NAXD: variants seen among roughly 807,000 people sequenced by gnomAD.
The protein encoded by NAXD is NAD(P)HX dehydratase, also known as ATP-dependent (S)-NAD(P)H-hydrate dehydratase.
Under a neutral mutation model 35.8 loss-of-function variants are expected in NAXD, and 22 were observed. The ratio of observed to expected loss-of-function variants is 0.62; its 90% CI spans 0.44 to 0.88. NAXD has a LOEUF of 0.88. Among genes scored for constraint, NAXD ranks in the 40% least tolerant of loss-of-function variants. The pLI, the probability that NAXD is intolerant of heterozygous loss-of-function variation, is 0.00. For synonymous variants in NAXD, 189 were observed against 177.6 expected (o/e 1.06, Z -0.51); for missense variants, 428 against 437.7 (o/e 0.98, Z 0.20).
rs757928322 is a variant in NAXD, at chr13:110,634,615, C to A, written c.492+20C>A. ...GACGCGGTGAGTTGACTTCTCTCCT[C>A]CTGGCTCGGACTCCCGGAAGGCCTG... On this transcript the variant is annotated intron_variant, in intron 6 of 9. Coordinates refer to ENST00000680254, the MANE Select transcript of NAXD (RefSeq NM_001242882.2). The A allele has an allele frequency of 5.6e-6, 9 of 1,614,062 alleles. No individual in the cohort carries two copies. The African/African-American group carries it at 6.7e-5, about 12-fold the overall frequency.
chr13:110,633,090 G>C (rs549072773), intron 5 of NAXD, among the ~76,000 whole-genome samples: 2 of 152,264 alleles, frequency 1.3e-5, no homozygotes, highest in African/African-American at 2.4e-5. Flanking sequence ...GGTGGTGCTC[G>C]TCGGGGAGGC....
chr13:110,630,851 TC>T (rs1886672004), intron 5 of NAXD, among the ~76,000 whole-genome samples: 1 of 152,190 alleles, frequency 6.6e-6, no homozygotes, highest in Admixed American at 6.5e-5. Context: ...GACTGTTGTT[TC>T]TGTTTTGTTG....
chr13:110,622,288 G>C lies in NAXD; in HGVS notation c.119G>C (p.Arg40Thr). ...KDMENTLQLV[R>T]NIIPPLSSTK... ...ATGGAAAATACTTTGCAGCTGGTGA[G>C]AAATATCATACCTCCTCTGTCTTCC... Residue 40 changes from arginine (R) to threonine (T), a missense_variant, in exon 2 of 10, where the codon AGA becomes ACA. Arg to Thr is a moderately conservative substitution (Grantham distance 71). This residue lies in a region of NAXD where 208 missense variants were observed against 193.0 expected (regional missense o/e 1.08). Transcript: ENST00000680254. 1 of 1,614,176 alleles carries C rather than the reference G, an allele frequency of 6.2e-7. No individual in the cohort carries two copies. The highest frequency in any genetic ancestry group is 8.5e-7 in the Non-Finnish European group (1 of 1,180,010).
At chr13:110,630,732 G>C (rs1251248992) in intron 5 of NAXD, among the ~76,000 whole-genome samples, 1 of 152,146 alleles carries the variant, frequency 6.6e-6, no homozygotes, top group East Asian at 1.9e-4. Context: ...TCTTTTGCTT[G>C]TGGGTGTCCA....
intron 3 of NAXD, among the ~76,000 whole-genome samples, chr13:110,624,899 C>T (rs532147274): frequency 3.8e-4 from 58 of 152,354 alleles, no homozygotes; most frequent in East Asian, 2.9e-3. Flanking sequence ...TGCTAACGGC[C>T]GGCCTCTTCC....
At chr13:110,633,133 G>A (rs778355753) in intron 5 of NAXD, among the ~76,000 whole-genome samples, 21 of 152,304 alleles carry the variant, frequency 1.4e-4, no homozygotes, top group Middle Eastern at 3.4e-3. Context: ...GAGGGGGTGG[G>A]AGGCTCAGGC....
chr13:110,637,088 A>G (rs1039378722), intron 8 of NAXD, 41 bp from the exon 9 acceptor site: 11 of 1,576,664 alleles, frequency 7.0e-6, no homozygotes, highest in Admixed American at 3.9e-5. Context: ...ATTCACACAC[A>G]TGGCCATGCT....
chr13:110,619,974 T>A (rs1262497461), intron 1 of NAXD, among the ~76,000 whole-genome samples: 3 of 152,030 alleles, frequency 2.0e-5, no homozygotes, highest in Non-Finnish European at 4.4e-5. Flanking sequence ...AATTTTTGTA[T>A]TTTTAGTAGA....
At chr13:110,615,856 C>T (rs1012823149) in intron 1 of NAXD, 6 of 1,177,250 alleles carry the variant, frequency 5.1e-6, no homozygotes, top group African/African-American at 1.6e-5. Context: ...GCCGGGGCGC[C>T]GTGTGGCCTG....
At chr13:110,624,708 C>T (rs1285675128) in intron 3 of NAXD, among the ~76,000 whole-genome samples, 3 of 152,160 alleles carry the variant, frequency 2.0e-5, no homozygotes, top group Non-Finnish European at 2.9e-5. Flanking sequence ...GTGATCCATG[C>T]GCCTCGGCCT....
In NAXD at chr13:110,635,489, G is replaced by T. The variant is rs770218485; in HGVS notation, c.619G>T (p.Asp207Tyr). 2.5e-6 allele frequency: 4 copies of T among 1,614,106 alleles called. No homozygotes were observed. The highest frequency in any genetic ancestry group is 3.4e-6 in the Non-Finnish European group (4 of 1,179,976). The change falls in exon 8 of 10, where the codon GAT becomes TAT. Residue 207 changes from aspartate (D) to tyrosine (Y), a missense_variant. By Grantham distance (160) the Asp-to-Tyr change is radical. This residue lies in a region of NAXD where 209 missense variants were observed against 214.6 expected (regional missense o/e 0.97). Transcript: ENST00000680254. ...ATAGCTCAGAGGCCCTATGGACAGC[G>T]ATGACAGCCATGGATCTGTGCTAAG... ...DAVLRGPMDS[D>Y]DSHGSVLRLS...
Position 110,639,220 on chromosome 13 carries a change from C to G in NAXD, c.*692C>G, listed in dbSNP as rs1887071797. On this transcript the variant is annotated 3_prime_UTR_variant, in exon 10 of 10. Coordinates refer to ENST00000680254, the MANE Select transcript of NAXD (RefSeq NM_001242882.2). ...TGGGTGGGGAGCTCTGAGACGCCTCCTGTCCCACGCTCTCCGGTGTCCGTG... is the reference window on the plus strand; with the variant it reads ...TGGGTGGGGAGCTCTGAGACGCCTCGTGTCCCACGCTCTCCGGTGTCCGTG... 6.3e-6 allele frequency: 1 copy of G among 159,004 alleles called. No individual in the cohort carries two copies. The highest frequency in any genetic ancestry group is 2.4e-5 in the African/African-American group (1 of 41,514). The allele number at this position is 159,004 out of a possible 1,614,324, so 9.8% of individuals were successfully genotyped here. A position where few individuals can be genotyped will look rare whatever the true frequency, so the allele number is the denominator to read the frequency against.
At chr13:110,634,401 AG>A in intron 5 of NAXD, 143 bp from the exon 6 acceptor site, 2 of 794,712 alleles carry the variant, frequency 2.5e-6, no homozygotes, top group South Asian at 3.1e-5. Context: ...CCAACCCATG[AG>A]GACACTGCCA....
intron 1 of NAXD, among the ~76,000 whole-genome samples, chr13:110,616,814 A>G (rs1017265607): frequency 2.6e-5 from 4 of 152,200 alleles, no homozygotes; most frequent in African/African-American, 9.7e-5. Flanking sequence ...AGTGGCCGAA[A>G]TGGTTAAACG....
At chr13:110,624,190 AC>A (rs764310261) in intron 2 of NAXD, 43 bp from the exon 3 acceptor site, 20 of 1,200,928 alleles carry the variant, frequency 1.7e-5, no homozygotes, top group Non-Finnish European at 2.2e-5. Flanking sequence ...AGGTATGCTT[AC>A]CTTATTCTCA....
chr13:110,618,851 C>A (rs914110660), intron 1 of NAXD, among the ~76,000 whole-genome samples: 1 of 152,222 alleles, frequency 6.6e-6, no homozygotes, highest in Non-Finnish European at 1.5e-5. Flanking sequence ...CAGAAAGGTG[C>A]TATCCCAGTA....
At chr13:110,637,029 G>A (rs1886950515) in intron 8 of NAXD, 100 bp from the exon 9 acceptor site, 1 of 1,378,682 alleles carries the variant, frequency 7.3e-7, no homozygotes, top group African/African-American at 1.5e-5. Flanking sequence ...CTCCTGGAGG[G>A]TGTGGCTCTG....
intron 5 of NAXD, among the ~76,000 whole-genome samples, chr13:110,632,886 T>C (rs1886764242): frequency 6.6e-6 from 1 of 151,650 alleles, no homozygotes; most frequent in African/African-American, 2.4e-5. Context: ...CACAGGGTGC[T>C]GATTGGTGTG....
At chr13:110,636,027 G>A (rs573094364) in intron 8 of NAXD, among the ~76,000 whole-genome samples, 10 of 152,386 alleles carry the variant, frequency 6.6e-5, no homozygotes, top group Admixed American at 3.3e-4. Flanking sequence ...AGAAAGCCCC[G>A]AAGCTGATGC....
Sources: gnomAD v4.1 joint callset for allele counts (sites outside exome capture counted in the v4.1 genomes callset) on GRCh38, gnomAD v4.1.1 for gene constraint, gnomAD v4.1.1 regional missense constraint, MANE v1.5 for transcripts, NCBI Gene and HGNC (gene_info 2026-07-23, HGNC 2026-07-21) for gene names.